Variants in GABBR2 observed in about 807,000 individuals in gnomAD.
The protein encoded by GABBR2 is G-protein coupled receptor 51.
In GABBR2, 23 loss-of-function variants were observed where a neutral mutation model predicts 105.6. The observed-to-expected ratio is 0.22, with a 90% CI of 0.16 to 0.31. GABBR2 has a LOEUF of 0.31. Among genes scored for constraint, GABBR2 ranks in the 10% least tolerant of loss-of-function variants. GABBR2 has a pLI of 1.00. For synonymous variants in GABBR2, 478 were observed against 499.7 expected (o/e 0.96, Z 0.58); for missense variants, 734 against 1,245.5 (o/e 0.59, Z 6.18).
intron 1 of GABBR2, among the ~76,000 whole-genome samples, chr9:98,685,576 G>A (rs1004192112): frequency 2.0e-5 from 3 of 152,212 alleles, no homozygotes; most frequent in East Asian, 1.9e-4. Context: ...TCTTTCAGAT[G>A]TCTATCTCCC....
intron 1 of GABBR2, among the ~76,000 whole-genome samples, chr9:98,582,139 T>C (rs188289432): frequency 6.6e-6 from 1 of 152,346 alleles, no homozygotes; most frequent in East Asian, 1.9e-4. Context: ...AAAGGGACTT[T>C]GTAGATGTCA....
At chr9:98,308,410 A>G (rs1483272774) in intron 14 of GABBR2, among the ~76,000 whole-genome samples, 1 of 152,222 alleles carries the variant, frequency 6.6e-6, no homozygotes, top group East Asian at 1.9e-4. Context: ...AACTTTCTAG[A>G]AAAGCACTCC....
chr9:98,508,126 C>T (rs906480804), intron 3 of GABBR2, among the ~76,000 whole-genome samples: 2 of 152,188 alleles, frequency 1.3e-5, no homozygotes, highest in African/African-American at 4.8e-5. Context: ...ATTAATAAAA[C>T]AGGGAGGCTA....
intron 3 of GABBR2, 145 bp downstream of exon 3, chr9:98,541,728 A>C (rs1828307716): frequency 3.0e-6 from 2 of 675,726 alleles, no homozygotes; most frequent in Middle Eastern, 4.2e-4. Flanking sequence ...CTATTTTGTC[A>C]ACGGTGAAAC....
chr9:98,488,056 T>C (rs960427299), intron 4 of GABBR2, among the ~76,000 whole-genome samples: 6 of 152,046 alleles, frequency 3.9e-5, no homozygotes, highest in Admixed American at 6.5e-5. Flanking sequence ...ACTTTGAAGA[T>C]AGAGGAAGGG....
intron 1 of GABBR2, among the ~76,000 whole-genome samples, chr9:98,660,714 C>T (rs2418209): frequency 0.93 from 141,521 of 152,256 alleles, 65,903 homozygotes; most frequent in African/African-American, 0.97. Flanking sequence ...TGAGAGGAAG[C>T]TCCTTGCCTT....
chr9:98,555,870 C>T (rs1303869670), intron 2 of GABBR2: 1 of 152,452 alleles, frequency 6.6e-6, no homozygotes, highest in Non-Finnish European at 1.5e-5. Flanking sequence ...CCTGCTCTCC[C>T]TCAGTTCTCC....
Position 98,707,835 on chromosome 9 carries a change from G to A in GABBR2, c.321+582C>T, listed in dbSNP as rs373870173. Among the ~76,000 whole-genome samples, 19 of 152,334 alleles carry A rather than the reference G, an allele frequency of 1.2e-4. No homozygotes were observed. The East Asian group carries it at 3.7e-3, about 30-fold the overall frequency. ...CAGGCAGAAGCGCTGCAGAGCCGGT[G>A]GCCCCACACTTGCCCGCGCGGAGCG... On this transcript the variant is annotated intron_variant, in intron 1 of 18. Transcript: ENST00000259455.
intron 2 of GABBR2, among the ~76,000 whole-genome samples, chr9:98,564,151 G>A (rs1828718441): frequency 6.6e-6 from 1 of 152,164 alleles, no homozygotes. Context: ...CCTGTGTCAG[G>A]GGACACGTAC....
chr9:98,386,545 AG>A (rs1292399976), intron 10 of GABBR2, among the ~76,000 whole-genome samples: 1 of 152,148 alleles, frequency 6.6e-6, no homozygotes, highest in African/African-American at 2.4e-5. Context: ...TTATACTTCC[AG>A]ACGCTGCATC....
At chr9:98,570,319 G>A (rs539675722) in intron 2 of GABBR2, among the ~76,000 whole-genome samples, 1 of 152,318 alleles carries the variant, frequency 6.6e-6, no homozygotes, top group East Asian at 1.9e-4. Flanking sequence ...AATCTGCCAC[G>A]GCTGCCTTTT....
intron 6 of GABBR2, among the ~76,000 whole-genome samples, chr9:98,472,280 G>C (rs1826699798): frequency 6.6e-6 from 1 of 152,216 alleles, no homozygotes; most frequent in African/African-American, 2.4e-5. Context: ...TCTTTGATAA[G>C]ACTTACAATG....
chr9:98,416,230 C>T (rs1050300032), intron 7 of GABBR2, among the ~76,000 whole-genome samples: 2 of 152,180 alleles, frequency 1.3e-5, no homozygotes, highest in African/African-American at 4.8e-5. Context: ...ACACCCATAA[C>T]CAAGCCAGTC....
At chr9:98,463,137 C>T (rs557862266) in intron 6 of GABBR2, among the ~76,000 whole-genome samples, 1 of 152,174 alleles carries the variant, frequency 6.6e-6, no homozygotes, top group Non-Finnish European at 1.5e-5. Context: ...GATTCACCTG[C>T]GTCAGCCTCC....
intron 6 of GABBR2, among the ~76,000 whole-genome samples, chr9:98,467,956 A>C (rs1342747180): frequency 6.6e-6 from 1 of 152,208 alleles, no homozygotes; most frequent in East Asian, 1.9e-4. Context: ...GGACTTGAAA[A>C]ATGGAAGCTG....
chr9:98,348,865 C>G (rs1275953775), intron 13 of GABBR2, among the ~76,000 whole-genome samples: 1 of 152,138 alleles, frequency 6.6e-6, no homozygotes, highest in East Asian at 1.9e-4. Context: ...ATCATATCAT[C>G]TGCAAAGAGG....
chr9:98,525,358 A>C (rs370989419), intron 3 of GABBR2, among the ~76,000 whole-genome samples: 2 of 152,242 alleles, frequency 1.3e-5, no homozygotes, highest in Admixed American at 6.5e-5. Flanking sequence ...TTGAATAGGC[A>C]TATCTCCAAA....
chr9:98,328,827 G>T (rs1258629311), intron 13 of GABBR2, among the ~76,000 whole-genome samples: 1 of 152,166 alleles, frequency 6.6e-6, no homozygotes, highest in Non-Finnish European at 1.5e-5. Flanking sequence ...CTGAGAATGT[G>T]GGGAAGTCCA....
intron 13 of GABBR2, among the ~76,000 whole-genome samples, chr9:98,316,042 T>A (rs1830710862): frequency 6.6e-6 from 1 of 152,178 alleles, no homozygotes; most frequent in African/African-American, 2.4e-5. Flanking sequence ...GACATCAGGG[T>A]CAGGGCCTAA....
Sources: gnomAD v4.1 joint callset for allele counts (sites outside exome capture counted in the v4.1 genomes callset) on GRCh38, gnomAD v4.1.1 for gene constraint, MANE v1.5 for transcripts, NCBI Gene and HGNC (gene_info 2026-07-23, HGNC 2026-07-21) for gene names.